Variants in TNKS observed in about 807,000 individuals in gnomAD.
TNKS encodes the protein poly [ADP-ribose] polymerase tankyrase-1.
TNKS carries 72 observed loss-of-function variants against 135.8 expected under a neutral mutation model. The ratio of observed to expected loss-of-function variants is 0.53; its 90% CI spans 0.44 to 0.64. TNKS has a LOEUF of 0.64. TNKS is among the 30% of genes least tolerant of loss of function. The probability of loss-of-function intolerance (pLI) is 0.00; values close to 1 mark genes in which losing one functional copy is unlikely to be tolerated. For synonymous variants in TNKS, 849 were observed against 649.3 expected, an observed-to-expected ratio of 1.31 and a Z score of -4.68; for missense variants, 1,769 against 1,674.0, an observed-to-expected ratio of 1.06 and a Z score of -0.99.
At chr8:9,708,552 T>C in intron 9 of TNKS, 60 bp downstream of exon 9, 3 of 1,370,006 alleles carry the variant, frequency 2.2e-6, no homozygotes, top group Admixed American at 2.7e-5. Context: ...GCACAAAATA[T>C]GATTTTCATT....
chr8:9,581,099 G>C (rs1798147253), intron 2 of TNKS, among the ~76,000 whole-genome samples: 2 of 152,082 alleles, frequency 1.3e-5, no homozygotes, highest in Admixed American at 6.6e-5. Context: ...GCCATGGCAG[G>C]TTGATTTACG....
chr8:9,747,948 A>C, intron 17 of TNKS, 76 bp from the exon 18 acceptor site: 1 of 1,351,408 alleles, frequency 7.4e-7, no homozygotes, highest in Non-Finnish European at 1.0e-6. Flanking sequence ...ATTGTTAAAT[A>C]AAAACAGGTA....
chr8:9,647,255 GT>G (rs1427387982), intron 3 of TNKS, among the ~76,000 whole-genome samples: 1 of 152,150 alleles, frequency 6.6e-6, no homozygotes, highest in African/African-American at 2.4e-5. Context: ...TGATCATTCA[GT>G]GCCTCTATTT....
At chr8:9,701,131 G>A (rs1464100890) in intron 5 of TNKS, among the ~76,000 whole-genome samples, 3 of 152,056 alleles carry the variant, frequency 2.0e-5, no homozygotes, top group Non-Finnish European at 4.4e-5. Flanking sequence ...GACACACAGG[G>A]TTTCATCGTG....
chr8:9,770,492 G>T (rs907971510), intron 26 of TNKS, among the ~76,000 whole-genome samples: 1 of 152,232 alleles, frequency 6.6e-6, no homozygotes, highest in Non-Finnish European at 1.5e-5. Flanking sequence ...CAAGAGGGCA[G>T]CTGAGAAACA....
intron 1 of TNKS, chr8:9,558,901 C>A (rs1057027379): frequency 2.0e-5 from 3 of 152,076 alleles, no homozygotes; most frequent in African/African-American, 7.2e-5. Context: ...AAACTTTAGT[C>A]TTCTTTATCA....
chr8:9,672,273 G>A (rs973451525), intron 3 of TNKS, among the ~76,000 whole-genome samples: 16 of 152,066 alleles, frequency 1.1e-4, no homozygotes, highest in African/African-American at 3.9e-4. Flanking sequence ...GCAGTTTTAG[G>A]CATCCACTTA....
At chr8:9,667,362 C>T (rs1037721704) in intron 3 of TNKS, among the ~76,000 whole-genome samples, 5 of 152,194 alleles carry the variant, frequency 3.3e-5, no homozygotes, top group Non-Finnish European at 7.3e-5. Context: ...GGAACCAGGC[C>T]ATTGTCTGTG....
chr8:9,656,000 A>T (rs909754368), intron 3 of TNKS, among the ~76,000 whole-genome samples: 1 of 152,210 alleles, frequency 6.6e-6, no homozygotes, highest in Non-Finnish European at 1.5e-5. Flanking sequence ...CTTGAAAAAA[A>T]ATTAGACAAA....
intron 2 of TNKS, among the ~76,000 whole-genome samples, chr8:9,601,029 A>C (rs1468665232): frequency 1.3e-5 from 2 of 152,220 alleles, no homozygotes; most frequent in Non-Finnish European, 2.9e-5. Context: ...AGAGCTTTTA[A>C]AAAGCATTGT....
At chr8:9,652,309 G>T (rs1281259106) in intron 3 of TNKS, among the ~76,000 whole-genome samples, 1 of 152,038 alleles carries the variant, frequency 6.6e-6, no homozygotes, top group Non-Finnish European at 1.5e-5. Context: ...ATCTTTTTTG[G>T]TATAGAGGAG....
intron 3 of TNKS, among the ~76,000 whole-genome samples, chr8:9,671,924 G>T (rs1802286128): frequency 6.6e-6 from 1 of 152,154 alleles, no homozygotes; most frequent in South Asian, 2.1e-4. Context: ...CTCTGAGTAT[G>T]GTGATGAAAT....
chr8:9,583,865 G>T (rs1798264256), intron 2 of TNKS, among the ~76,000 whole-genome samples: 1 of 151,298 alleles, frequency 6.6e-6, no homozygotes, highest in Non-Finnish European at 1.5e-5. Context: ...CATGGAGTCT[G>T]ATATAAGATC....
intron 3 of TNKS, among the ~76,000 whole-genome samples, chr8:9,677,439 T>C (rs888417220): frequency 2.0e-5 from 3 of 152,228 alleles, no homozygotes; most frequent in Admixed American, 6.5e-5. Flanking sequence ...GGTTCCTAAA[T>C]ACTTTGCGGT....
chr8:9,770,314 G>GCA, intron 26 of TNKS, 52 bp downstream of exon 26: 1 of 1,550,454 alleles, frequency 6.4e-7, no homozygotes, highest in South Asian at 1.2e-5. Flanking sequence ...TGTCAATAGA[G>GCA]CACAGAGACC....
intron 20 of TNKS, among the ~76,000 whole-genome samples, chr8:9,758,855 A>G (rs953696732): frequency 6.6e-6 from 1 of 152,226 alleles, no homozygotes; most frequent in African/African-American, 2.4e-5. Flanking sequence ...TCAGGAGTCT[A>G]TGCACAGCTT....
chr8:9,704,637 G>A, intron 5 of TNKS, 26 bp from the exon 6 acceptor site: 1 of 1,578,476 alleles, frequency 6.3e-7, no homozygotes, highest in Non-Finnish European at 8.7e-7. Context: ...GTTTTTACCT[G>A]AAAAGGGGAT....
intron 1 of TNKS, among the ~76,000 whole-genome samples, chr8:9,576,234 C>G (rs1018938091): frequency 2.6e-5 from 4 of 152,114 alleles, no homozygotes; most frequent in Non-Finnish European, 1.5e-5. Context: ...AAAATTGAGT[C>G]TTTCTGTTGG....
Position 9,770,155 on chromosome 8 carries a change from A to G in TNKS, c.3790A>G (p.Ser1264Gly). The G allele has an allele frequency of 6.2e-7, 1 of 1,613,418 alleles. No individual in the cohort carries two copies. The highest frequency in any genetic ancestry group is 8.5e-7 in the Non-Finnish European group (1 of 1,179,944). The change falls in exon 26 of 27, where the codon AGC becomes GGC. Residue 1264 changes from serine (S) to glycine (G), a missense_variant. Physicochemically the swap from Ser to Gly is moderately conservative, Grantham distance 56. Transcript: ENST00000310430. ...CCTTGGGAAATCCTTTCTGCAGTTT[A>G]GCACCATGAAAATGGCCCACGCGCC... Reference protein sequence around the residue: ...VTLGKSFLQFSTMKMAHAPPG... With the variant: ...VTLGKSFLQFGTMKMAHAPPG...
Sources: allele counts gnomAD v4.1 joint callset (sites outside exome capture counted in the v4.1 genomes callset), GRCh38; gene constraint gnomAD v4.1.1; transcripts MANE v1.5; gene names NCBI Gene and HGNC (gene_info 2026-07-23, HGNC 2026-07-21).